Variants in TUSC3 observed in about 807,000 individuals in gnomAD.
TUSC3 encodes the protein dolichyl-diphosphooligosaccharide--protein glycosyltransferase subunit TUSC3.
A neutral mutation model predicts 44.8 loss-of-function variants in TUSC3; 45 were observed. The ratio of observed to expected loss-of-function variants is 1.00; its 90% confidence interval spans 0.79 to 1.29. The LOEUF is 1.29. Among genes scored for constraint, TUSC3 ranks in the 50% most tolerant of loss-of-function variants. TUSC3 has a pLI of 0.00. For missense variants in TUSC3, 519 were observed against 437.9 expected (o/e 1.19, Z -1.65); for synonymous variants, 212 against 152.9 (o/e 1.39, Z -2.85).
chr8:15,839,966 T>C, the TUSC3 span, among the ~76,000 whole-genome samples: 1 of 152,148 alleles, frequency 6.6e-6, no homozygotes, highest in Non-Finnish European at 1.5e-5. Flanking sequence ...AGCAAAGACT[T>C]GGAACCAACC....
intron 6 of TUSC3, among the ~76,000 whole-genome samples, chr8:15,729,340 A>G (rs1375191769): frequency 6.6e-6 from 1 of 152,174 alleles, no homozygotes; most frequent in Non-Finnish European, 1.5e-5. Flanking sequence ...ATACCTATAC[A>G]AACAGTCCTA....
At chr8:15,490,231 A>G (rs2129125710) in intron 2 of TUSC3, among the ~76,000 whole-genome samples, 1 of 152,338 alleles carries the variant, frequency 6.6e-6, no homozygotes, top group Non-Finnish European at 1.5e-5. Flanking sequence ...ATCTCTAGAC[A>G]GGAGAAACAA....
At chr8:15,480,664 T>G (rs751261584) in intron 1 of TUSC3, among the ~76,000 whole-genome samples, 4 of 152,212 alleles carry the variant, frequency 2.6e-5, no homozygotes, top group Admixed American at 1.3e-4. Flanking sequence ...GCCTCTTGTT[T>G]CCTCTTCACA....
chr8:15,468,116 G>A (rs1049669250), intron 1 of TUSC3, among the ~76,000 whole-genome samples: 2 of 152,162 alleles, frequency 1.3e-5, no homozygotes, highest in Non-Finnish European at 2.9e-5. Flanking sequence ...TATTCTTGAT[G>A]AGTCTCTCCT....
At chr8:15,623,468 A>G (rs552289727) in intron 2 of TUSC3, among the ~76,000 whole-genome samples, 1 of 152,278 alleles carries the variant, frequency 6.6e-6, no homozygotes, top group South Asian at 2.1e-4. Flanking sequence ...CCAGTTGCAC[A>G]TATAATCATA....
the TUSC3 span, among the ~76,000 whole-genome samples, chr8:15,821,192 C>A: frequency 6.6e-6 from 1 of 152,154 alleles, no homozygotes; most frequent in African/African-American, 2.4e-5. Context: ...TATTTTCTTA[C>A]TGTAGTTTAA....
intron 1 of TUSC3, among the ~76,000 whole-genome samples, chr8:15,457,743 A>T (rs185083207): frequency 6.7e-6 from 1 of 148,436 alleles, no homozygotes; most frequent in Admixed American, 6.7e-5. Flanking sequence ...ATATCTAATA[A>T]TTTAAAATAA....
upstream of TUSC3, among the ~76,000 whole-genome samples, chr8:15,537,152 G>C (rs982329329): frequency 3.0e-3 from 125 of 41,722 alleles, no homozygotes; most frequent in Non-Finnish European, 8.8e-3. Flanking sequence ...CTCTCTCTCT[G>C]AAGTCTGTCT....
At chr8:15,623,403 T>C (rs972465075) in intron 2 of TUSC3, among the ~76,000 whole-genome samples, 154 bp downstream of exon 2, 1 of 152,174 alleles carries the variant, frequency 6.6e-6, no homozygotes, top group African/African-American at 2.4e-5. Context: ...AATCAGTGTA[T>C]TTTAGAAATA....
At chr8:15,828,459 T>C in the TUSC3 span, among the ~76,000 whole-genome samples, 1 of 152,214 alleles carries the variant, frequency 6.6e-6, no homozygotes, top group African/African-American at 2.4e-5. Context: ...GCTTGGTCTT[T>C]TTTATTTTCT....
intron 5 of TUSC3, 117 bp from the exon 6 acceptor site, chr8:15,673,630 G>T (rs1034277823): frequency 3.5e-6 from 3 of 865,146 alleles, no homozygotes; most frequent in Non-Finnish European, 5.7e-6. Flanking sequence ...TTTTTAAAAT[G>T]TGTGAGCTGA....
chr8:15,453,168 C>G (rs991336116), intron 1 of TUSC3, among the ~76,000 whole-genome samples: 1 of 152,126 alleles, frequency 6.6e-6, no homozygotes, highest in Non-Finnish European at 1.5e-5. Context: ...TGTGATTGCT[C>G]AGAAACTGCC....
intron 3 of TUSC3, among the ~76,000 whole-genome samples, chr8:15,658,204 G>A (rs1807259610): frequency 6.6e-6 from 1 of 152,142 alleles, no homozygotes; most frequent in African/African-American, 2.4e-5. Context: ...TAACATGGAG[G>A]TAAATAATGG....
chr8:15,699,815 T>C (rs1216170336), intron 6 of TUSC3, among the ~76,000 whole-genome samples: 1 of 152,140 alleles, frequency 6.6e-6, no homozygotes, highest in Non-Finnish European at 1.5e-5. Flanking sequence ...AGAGGTTAAA[T>C]AGAACTTTTA....
intron 6 of TUSC3, among the ~76,000 whole-genome samples, chr8:15,701,272 C>T (rs943861234): frequency 6.6e-6 from 1 of 152,104 alleles, no homozygotes; most frequent in African/African-American, 2.4e-5. Context: ...TGCCATTCCT[C>T]ATAGGAAGCC....
chr8:15,542,018 G>T (rs1382214692), intron 1 of TUSC3, among the ~76,000 whole-genome samples: 7 of 149,794 alleles, frequency 4.7e-5, no homozygotes, highest in African/African-American at 1.7e-4. Context: ...TTTTTTGCCA[G>T]TGTTAAGGAT....
intron 6 of TUSC3, among the ~76,000 whole-genome samples, chr8:15,717,465 T>C (rs942484995): frequency 1.3e-5 from 2 of 152,072 alleles, no homozygotes; most frequent in Non-Finnish European, 2.9e-5. Flanking sequence ...GGTATCCCAA[T>C]CATATCTATC....
intron 1 of TUSC3, among the ~76,000 whole-genome samples, chr8:15,582,742 T>A (rs1803424819): frequency 6.6e-6 from 1 of 152,212 alleles, no homozygotes; most frequent in African/African-American, 2.4e-5. Flanking sequence ...CAGTTTTATC[T>A]AATAGCTGCT....
At chr8:15,744,708 A>AGCG (rs1811331338) in intron 8 of TUSC3, among the ~76,000 whole-genome samples, 1 of 44,292 alleles carries the variant, frequency 2.3e-5, no homozygotes, top group African/African-American at 8.6e-5. Flanking sequence ...AAAAGAAAGG[A>AGCG]GATTACTTTA....
Sources: allele counts gnomAD v4.1 joint callset (sites outside exome capture counted in the v4.1 genomes callset), GRCh38; gene constraint gnomAD v4.1.1; transcripts MANE v1.5; gene names NCBI Gene and HGNC (gene_info 2026-07-23, HGNC 2026-07-21).